The following DVL3 variants were observed in gnomAD, a reference collection of about 807,000 sequenced individuals.
The protein encoded by DVL3 is segment polarity protein dishevelled homolog DVL-3.
In DVL3, 27 loss-of-function variants were observed where a neutral mutation model predicts 67.4. That is an observed-to-expected ratio of 0.40 (90% CI 0.30 to 0.55). The LOEUF (loss-of-function observed/expected upper bound fraction) is 0.55. DVL3 is among the 20% of genes least tolerant of loss of function. The pLI is 0.46. For synonymous variants in DVL3, 369 were observed against 396.8 expected, an observed-to-expected ratio of 0.93 and a Z score of 0.83; for missense variants, 819 against 1,021.5, an observed-to-expected ratio of 0.80 and a Z score of 2.70.
Position 184,171,444 on chromosome 3 carries a change from C to T in DVL3, c.*689C>T, listed in dbSNP as rs1005585958. 1 of 988,066 alleles carries T rather than the reference C, an allele frequency of 1.0e-6. No individual in the cohort carries two copies. 61.2% of individuals were successfully genotyped at this position (988,066 alleles called of 1,614,324 possible). A position where few individuals can be genotyped will look rare whatever the true frequency, so the allele number is the denominator to read the frequency against. ...CTGCTCTACCCCTGCCCCATGCCTGCCCTGCGTGCTGGTTCCTTCAGACCC... is the reference window on the plus strand; with the variant it reads ...CTGCTCTACCCCTGCCCCATGCCTGTCCTGCGTGCTGGTTCCTTCAGACCC... On this transcript the variant is annotated 3_prime_UTR_variant, in exon 15 of 15. Coordinates refer to ENST00000313143, the MANE Select transcript of DVL3 (RefSeq NM_004423.4).
chr3:184,164,854 T>C lies in DVL3; in HGVS notation c.522T>C (p.Asp174=), dbSNP rs767570260. The part of the protein sequence containing the change: ...GERRREPGGY[D]SSSTLMSSEL... The stretch of plus-strand genomic sequence containing the variant: ...GGCGGCGAGAACCAGGGGGTTATGA[T>C]AGCTCATCCACCCTTATGAGCAGTG... Residue 174 remains aspartate (D), a synonymous_variant, in exon 5 of 15, where the codon GAT becomes GAC. Transcript: ENST00000313143. This position sits in a 1 kb window ranked among gnomAD's most constrained non-coding sequence, Gnocchi z 5.3. 5 of 1,614,086 alleles carry C rather than the reference T, an allele frequency of 3.1e-6. No homozygotes were observed. In the Admixed American group the frequency reaches 6.7e-5, roughly 22 times the overall value.
intron 1 of DVL3, among the ~76,000 whole-genome samples, chr3:184,158,586 G>A (rs1282368961): frequency 3.3e-5 from 5 of 152,058 alleles, no homozygotes; most frequent in African/African-American, 1.2e-4. Context: ...CCCACAAGAG[G>A]AAGGTCAGGC....
At position 184,173,597 on chromosome 3, in the gene DVL3, T is replaced by C. The variant is rs562813886; in HGVS notation, c.*2842T>C. 4 of 152,192 alleles carry C rather than the reference T, an allele frequency of 2.6e-5. No homozygotes were observed. The East Asian group carries it at 7.7e-4, about 29-fold the overall frequency. The allele number at this position is 152,192 out of a possible 1,614,324, so 9.4% of individuals were successfully genotyped here. ...AGTAGAGTAGGTGCTCAATAAATGG[T>C]AGCTATTATTATTATTATTTTATCA... is the stretch of plus-strand genomic sequence containing the variant. On this transcript the variant is annotated 3_prime_UTR_variant, in exon 15 of 15. Transcript: ENST00000313143.
At chr3:184,169,860 C>A in intron 13 of DVL3, 146 bp from the exon 14 acceptor site, 1 of 700,802 alleles carries the variant, frequency 1.4e-6, no homozygotes, top group Non-Finnish European at 2.3e-6. Context: ...CAAAGGGGGT[C>A]TGCAGAAGGG....
In DVL3 at chr3:184,163,025, G is replaced by A. The variant is rs1024418641; in HGVS notation, c.162-632G>A. On this transcript the variant is annotated intron_variant, in intron 1 of 14. Coordinates refer to ENST00000313143, the MANE Select transcript of DVL3 (RefSeq NM_004423.4). The surrounding 1 kb of genome is among the most constrained non-coding windows in gnomAD (Gnocchi z 4.5). ...ACAGAGATGGGAAGACACCCAAGTA[G>A]ATGGGTGCACACCACCACACCCGGC... Among the ~76,000 whole-genome samples, 2 of 151,964 alleles carry A rather than the reference G, an allele frequency of 1.3e-5. No individual in the cohort carries two copies. Among genetic ancestry groups the A allele is most frequent in the Admixed American group, 1.3e-4 (2 of 15,240 alleles).
At chr3:184,156,572 C>G in intron 1 of DVL3, 2 of 425,784 alleles carry the variant, frequency 4.7e-6, no homozygotes, top group Admixed American at 5.2e-5. Flanking sequence ...TCTATCTTCC[C>G]CTCCCTGGTG....
chr3:184,170,160 G>A lies in DVL3; in HGVS notation c.1653G>A (p.Pro551=), dbSNP rs756877933. The change falls in exon 14 of 15, where the codon CCG becomes CCA. Residue 551 remains proline (P), a synonymous_variant. Coordinates refer to ENST00000313143, the MANE Select transcript of DVL3 (RefSeq NM_004423.4). The surrounding 1 kb of genome is among the most constrained non-coding windows in gnomAD (Gnocchi z 6.5). The part of the protein sequence containing the change: ...PPPPHPYNPH[P]GFPELGYSYG... ...CCCCGCACCCATACAACCCGCACCC[G>A]GGCTTCCCGGAGCTGGGCTACAGCT... is the stretch of plus-strand genomic sequence containing the variant. 2 of 1,613,462 alleles carry A rather than the reference G, an allele frequency of 1.2e-6. No individual in the cohort carries two copies. The highest frequency in any genetic ancestry group is 3.3e-5 in the Admixed American group (2 of 60,004).
Position 184,170,743 on chromosome 3 carries a change from G to A in DVL3, c.2139G>A (p.Val713=). 6.2e-7 allele frequency: 1 copy of A among 1,613,422 alleles called. No individual in the cohort carries two copies. The highest frequency in any genetic ancestry group is 8.5e-7 in the Non-Finnish European group (1 of 1,179,928). Reference sequence around the variant, plus strand: ...TGGGAAACCCCAGTGAGTTCTTTGTGGATGTGATGTGAGCAGGGCCCCTCC... The same window carrying A: ...TGGGAAACCCCAGTGAGTTCTTTGTAGATGTGATGTGAGCAGGGCCCCTCC... ...MAMGNPSEFF[V]DVM is the part of the protein sequence containing the mutation. The change falls in exon 15 of 15, where the codon GTG becomes GTA. Residue 713 remains valine (V), a synonymous_variant. Coordinates refer to ENST00000313143, the MANE Select transcript of DVL3 (RefSeq NM_004423.4). This position sits in a 1 kb window ranked among gnomAD's most constrained non-coding sequence, Gnocchi z 6.5.
rs1227097117 is a variant in DVL3, at chr3:184,170,707, C to A, written c.2103C>A (p.Phe701Leu). The A allele has an allele frequency of 6.2e-7, 1 of 1,613,908 alleles. No homozygotes were observed. The highest frequency in any genetic ancestry group is 8.5e-7 in the Non-Finnish European group (1 of 1,179,962). Reference protein sequence around the residue: ...PPELTASRQSFRMAMGNPSEF... With the variant: ...PPELTASRQSLRMAMGNPSEF... ...AACTGACCGCCAGCAGACAGTCCTT[C>A]CGCATGGCCATGGGAAACCCCAGTG... Residue 701 changes from phenylalanine (F) to leucine (L), a missense_variant, in exon 15 of 15, where the codon TTC (phenylalanine) becomes TTA (leucine). By Grantham distance (22) the Phe-to-Leu change is conservative. Around this residue, in one of 3 missense-constraint regions of DVL3, gnomAD observed 324 missense variants for 331.3 expected, o/e 0.98. Transcript: ENST00000313143. The surrounding 1 kb of genome is among the most constrained non-coding windows in gnomAD (Gnocchi z 6.5).
Position 184,167,967 on chromosome 3 carries a change from A to G in DVL3, c.1400A>G (p.Tyr467Cys), listed in dbSNP as rs1032958703. The G allele has an allele frequency of 6.2e-7, 1 of 1,614,284 alleles. No homozygotes were observed. Residue 467 changes from tyrosine to cysteine, a missense_variant, in exon 13 of 15, where the codon TAT becomes TGT. Tyr to Cys is a radical substitution (Grantham distance 194, BLOSUM62 -2). Around this residue, in one of 3 missense-constraint regions of DVL3, gnomAD observed 110 missense variants for 203.4 expected, o/e 0.54. Transcript: ENST00000313143. This position sits in a 1 kb window ranked among gnomAD's most constrained non-coding sequence, Gnocchi z 4.6. Reference protein sequence around the residue: ...GFTDRREARKYASNLLKAGFI... With the variant: ...GFTDRREARKCASNLLKAGFI... Reference sequence around the variant, plus strand: ...ACGGACCGGAGGGAGGCCCGCAAGTATGCCAGCAACCTGCTGAAAGCTGGC... The same window carrying G: ...ACGGACCGGAGGGAGGCCCGCAAGTGTGCCAGCAACCTGCTGAAAGCTGGC...
chr3:184,160,089 G>A (rs529900999), intron 1 of DVL3, among the ~76,000 whole-genome samples: 1 of 149,362 alleles, frequency 6.7e-6, no homozygotes, highest in East Asian at 2.0e-4. Context: ...ACAGGTGCCC[G>A]CCACCACGCC....
chr3:184,171,716 T>A lies in DVL3; in HGVS notation c.*961T>A. ...CCCACACGTTAACATAATGAGTCAC[T>A]AGGCTTCTGGGGAGGGCCCAACTTC... is the stretch of plus-strand genomic sequence containing the variant. On this transcript the variant is annotated 3_prime_UTR_variant, in exon 15 of 15. Transcript: ENST00000313143. The A allele has an allele frequency of 1.9e-6, 1 of 535,522 alleles. No homozygotes were observed. Among genetic ancestry groups the A allele is most frequent in the Non-Finnish European group, 2.4e-6 (1 of 418,228 alleles). 33.2% of individuals were successfully genotyped at this position (535,522 alleles called of 1,614,324 possible). A position where few individuals can be genotyped will look rare whatever the true frequency, so the allele number is the denominator to read the frequency against.
chr3:184,165,347 C>T lies in DVL3; in HGVS notation c.694-75C>T. On this transcript the variant is annotated intron_variant, in intron 6 of 14. Transcript: ENST00000313143. This position sits in a 1 kb window ranked among gnomAD's most constrained non-coding sequence, Gnocchi z 4.1. ...GGGGCTGGGGGCTGCACCGGGGACT[C>T]ACCTTGAGGAGGAGTCAGGTGGGAG... 1 of 1,564,792 alleles carries T rather than the reference C, an allele frequency of 6.4e-7. No individual in the cohort carries two copies. Among genetic ancestry groups the T allele is most frequent in the South Asian group, 1.1e-5 (1 of 89,102 alleles).
At position 184,165,177 on chromosome 3, in the gene DVL3, C is replaced by T. The variant is rs774865679; in HGVS notation, c.664C>T (p.Arg222Trp). The change falls in exon 6 of 15, where the codon CGG becomes TGG. Residue 222 changes from arginine to tryptophan, a missense_variant. Physicochemically the swap from Arg to Trp is moderately radical, Grantham distance 101 (BLOSUM62 -3). This residue lies in a region of DVL3 where 385 missense variants were observed against 486.8 expected (regional missense o/e 0.79). Coordinates refer to ENST00000313143, the MANE Select transcript of DVL3 (RefSeq NM_004423.4). The surrounding 1 kb of genome is among the most constrained non-coding windows in gnomAD (Gnocchi z 4.1). ...GATGAGAAGACACAAGCGGCGGCGG[C>T]GGAAGCAGAAGGTTTCTCGGATTGA... ...RLMRRHKRRR[R>W]KQKVSRIERS... The T allele has an allele frequency of 1.2e-6, 2 of 1,602,432 alleles. No homozygotes were observed. Among genetic ancestry groups the T allele is most frequent in the East Asian group, 2.2e-5 (1 of 44,790 alleles).
At position 184,170,599 on chromosome 3, in the gene DVL3, C is replaced by G. The variant is rs767138549; in HGVS notation, c.1995C>G (p.Pro665=). The change falls in exon 15 of 15, where the codon CCC becomes CCG. Residue 665 remains proline (P), a synonymous_variant. Coordinates refer to ENST00000313143, the MANE Select transcript of DVL3 (RefSeq NM_004423.4). The surrounding 1 kb of genome is among the most constrained non-coding windows in gnomAD (Gnocchi z 6.5). ...PPGVPPLYGP[P]MLMMPPPPAA... ...GAGTGCCCCCTCTCTACGGCCCCCCCATGCTGATGATGCCCCCGCCGCCCG... is the reference window on the plus strand; with the variant it reads ...GAGTGCCCCCTCTCTACGGCCCCCCGATGCTGATGATGCCCCCGCCGCCCG... 6.2e-7 allele frequency: 1 copy of G among 1,610,108 alleles called. No individual in the cohort carries two copies. The highest frequency in any genetic ancestry group is 8.5e-7 in the Non-Finnish European group (1 of 1,178,034).
rs772369491 is a variant in DVL3, at chr3:184,165,406, C to G, written c.694-16C>G. ...TGCCACCTCCACCTGCTGCTCAGGG[C>G]CTCTGTCTATTCCAGTCCTCGTCCT... On this transcript the variant is annotated splice_polypyrimidine_tract_variant and intron_variant, in intron 6 of 14. Transcript: ENST00000313143. The surrounding 1 kb of genome is among the most constrained non-coding windows in gnomAD (Gnocchi z 4.1). 1.9e-6 allele frequency: 3 copies of G among 1,613,562 alleles called. No individual in the cohort carries two copies. In the South Asian group the frequency reaches 3.3e-5, roughly 18 times the overall value.
rs1401158078 is a variant in DVL3, at chr3:184,164,727, C to T, written c.464-69C>T. The stretch of plus-strand genomic sequence containing the variant: ...TGCCTGGCCCCAGTGCAGCCCCTGG[C>T]TTGCCTCTCTCCCTCCTTCACCCCT... On this transcript the variant is annotated intron_variant, in intron 4 of 14. Transcript: ENST00000313143. The surrounding 1 kb of genome is among the most constrained non-coding windows in gnomAD (Gnocchi z 5.3). The T allele has an allele frequency of 3.7e-6, 6 of 1,606,842 alleles. No individual in the cohort carries two copies. The African/African-American group carries it at 5.3e-5, about 14-fold the overall frequency.
chr3:184,166,314 G>A lies in DVL3; in HGVS notation c.903+49G>A. ...TGGTGTGGATAGAGGGCAGGGAGGTGTCCTACCATCTGTACCCTGCTCCTT... is the reference window on the plus strand; with the variant it reads ...TGGTGTGGATAGAGGGCAGGGAGGTATCCTACCATCTGTACCCTGCTCCTT... On this transcript the variant is annotated intron_variant, in intron 8 of 14. Transcript: ENST00000313143. This position sits in a 1 kb window ranked among gnomAD's most constrained non-coding sequence, Gnocchi z 6.7. 2 of 1,606,522 alleles carry A rather than the reference G, an allele frequency of 1.2e-6. No homozygotes were observed. Among genetic ancestry groups the A allele is most frequent in the Non-Finnish European group, 1.7e-6 (2 of 1,175,526 alleles).
chr3:184,161,657 G>T (rs988449977), intron 1 of DVL3, among the ~76,000 whole-genome samples: 1 of 151,878 alleles, frequency 6.6e-6, no homozygotes, highest in Non-Finnish European at 1.5e-5. Context: ...ACATTCCCCC[G>T]GCCAAACTAC....
Sources: allele counts gnomAD v4.1 joint callset (sites outside exome capture counted in the v4.1 genomes callset), GRCh38; gene constraint gnomAD v4.1.1; regional missense constraint gnomAD v4.1.1; non-coding constraint Gnocchi (gnomAD v3.1); transcripts MANE v1.5; gene names NCBI Gene and HGNC (gene_info 2026-07-23, HGNC 2026-07-21).